The following ASTN2 variants were observed in gnomAD, a reference collection of about 807,000 sequenced individuals.
ASTN2 encodes astrotactin 2.
A neutral mutation model predicts 139.8 loss-of-function variants in ASTN2; 54 were observed. That is an observed-to-expected ratio of 0.39 (90% CI 0.31 to 0.48). The LOEUF (loss-of-function observed/expected upper bound fraction) is 0.48. Among genes scored for constraint, ASTN2 ranks in the 20% least tolerant of loss-of-function variants. The probability of loss-of-function intolerance (pLI) is 0.95; values close to 1 mark genes in which losing one functional copy is unlikely to be tolerated. For missense variants in ASTN2, 1,565 were observed against 1,725.1 expected (o/e 0.91, Z 1.64); for synonymous variants, 756 against 719.5 (o/e 1.05, Z -0.81).
At chr9:116,466,769 C>G (rs1222278135) in intron 20 of ASTN2, among the ~76,000 whole-genome samples, 3 of 152,276 alleles carry the variant, frequency 2.0e-5, no homozygotes, top group East Asian at 1.9e-4. Context: ...GAGGTCATGC[C>G]TGGTGCTAAA....
chr9:116,671,068 T>A (rs557861844), intron 16 of ASTN2, among the ~76,000 whole-genome samples: 4 of 152,308 alleles, frequency 2.6e-5, no homozygotes, highest in Admixed American at 2.6e-4. Context: ...TGTCAACTCT[T>A]AGGTAGGCAG....
chr9:116,939,397 T>A (rs892883640), intron 10 of ASTN2, among the ~76,000 whole-genome samples: 4 of 152,140 alleles, frequency 2.6e-5, no homozygotes, highest in Non-Finnish European at 5.9e-5. Context: ...TTTTGTTATT[T>A]AAAAAATTTA....
At chr9:116,580,073 G>C (rs1564131033) in intron 19 of ASTN2, among the ~76,000 whole-genome samples, 1 of 152,126 alleles carries the variant, frequency 6.6e-6, no homozygotes, top group Non-Finnish European at 1.5e-5. Context: ...ACCCACCTTG[G>C]CCTCCCAAAG....
At chr9:116,960,923 CCATG>C (rs1835858222) in intron 10 of ASTN2, among the ~76,000 whole-genome samples, 3 of 152,108 alleles carry the variant, frequency 2.0e-5, no homozygotes, top group Admixed American at 2.0e-4. Flanking sequence ...CCAGCCAGAT[CCATG>C]TCATGAATCT....
intron 4 of ASTN2, among the ~76,000 whole-genome samples, chr9:117,135,663 A>G (rs7858611): frequency 0.99 from 151,023 of 152,310 alleles, 74,888 homozygotes; most frequent in East Asian, 1. Flanking sequence ...GCAGTGATAA[A>G]AAACAGTACT....
At chr9:116,469,905 G>A (rs1848760566) in intron 20 of ASTN2, among the ~76,000 whole-genome samples, 1 of 151,994 alleles carries the variant, frequency 6.6e-6, no homozygotes, top group African/African-American at 2.4e-5. Flanking sequence ...CCATTCTGAG[G>A]ATGTAGATTT....
chr9:116,607,545 G>C (rs1197256580), intron 19 of ASTN2, among the ~76,000 whole-genome samples: 1 of 152,034 alleles, frequency 6.6e-6, no homozygotes, highest in African/African-American at 2.4e-5. Flanking sequence ...ATTTTAAAAA[G>C]TAACTCTTGG....
intron 4 of ASTN2, among the ~76,000 whole-genome samples, chr9:117,100,751 T>A (rs2132763704): frequency 1.3e-5 from 2 of 152,352 alleles, no homozygotes; most frequent in African/African-American, 4.8e-5. Flanking sequence ...CAATTTGGAT[T>A]TTTGACCTGG....
intron 16 of ASTN2, among the ~76,000 whole-genome samples, chr9:116,696,755 T>G (rs1860874835): frequency 6.6e-6 from 1 of 152,186 alleles, no homozygotes; most frequent in Non-Finnish European, 1.5e-5. Context: ...AAAGACCTCT[T>G]GTATCTAGTA....
chr9:116,492,201 C>T (rs1029690238), intron 19 of ASTN2, among the ~76,000 whole-genome samples: 1 of 151,978 alleles, frequency 6.6e-6, no homozygotes, highest in Non-Finnish European at 1.5e-5. Context: ...CCTGCCTCAG[C>T]CTCCCGAGTA....
intron 3 of ASTN2, among the ~76,000 whole-genome samples, chr9:117,145,576 T>G (rs1293312681): frequency 6.6e-6 from 1 of 152,192 alleles, no homozygotes; most frequent in Non-Finnish European, 1.5e-5. Flanking sequence ...AGTGTCCCTT[T>G]TCCACAGTCC....
rs867948838 is a variant in ASTN2, at chr9:116,975,265, T to C, written c.1832A>G (p.Asn611Ser). The change falls in exon 10 of 23, where the codon AAC becomes AGC. Residue 611 changes from asparagine to serine, a missense_variant. Around this residue, in one of 4 missense-constraint regions of ASTN2, gnomAD observed 503 missense variants for 591.7 expected, o/e 0.85. Coordinates refer to ENST00000313400, the MANE Select transcript of ASTN2 (RefSeq NM_001365068.1). ...ATCGGTCTTGCAGCTGGCCAGGGGG[T>C]TGATGGACAGCTCCACAGGCGGAAC... is the stretch of plus-strand genomic sequence containing the variant. ...FVVPPVELSI[N>S]PLASCKTDVL... 6.8e-6 allele frequency: 11 copies of C among 1,612,790 alleles called. 1 individual carries two copies. In the Middle Eastern group the frequency reaches 1.3e-3, roughly 194 times the overall value.
At chr9:117,204,997 C>T (rs1831867913) in intron 3 of ASTN2, among the ~76,000 whole-genome samples, 1 of 152,146 alleles carries the variant, frequency 6.6e-6, no homozygotes, top group African/African-American at 2.4e-5. Context: ...TGGGCACTGT[C>T]TATGTGGGAG....
intron 16 of ASTN2, chr9:116,686,925 T>G (rs1860254601): frequency 6.7e-7 from 1 of 1,499,322 alleles, no homozygotes; most frequent in African/African-American, 1.4e-5. Context: ...ATTTTTCCGT[T>G]GGCCCATTTC....
chr9:117,292,593 A>G (rs989883811), intron 1 of ASTN2, among the ~76,000 whole-genome samples: 3 of 152,194 alleles, frequency 2.0e-5, no homozygotes, highest in Non-Finnish European at 4.4e-5. Context: ...TCAGTAGACA[A>G]GTAGTCTTAG....
intron 13 of ASTN2, among the ~76,000 whole-genome samples, chr9:116,737,959 G>A (rs1005048106): frequency 8.6e-5 from 13 of 151,956 alleles, no homozygotes; most frequent in African/African-American, 2.4e-4. Context: ...TTGGGAGGCC[G>A]AGGCGGGCGG....
chr9:117,174,775 G>A (rs1830877171), intron 3 of ASTN2, among the ~76,000 whole-genome samples: 1 of 151,950 alleles, frequency 6.6e-6, no homozygotes, highest in African/African-American at 2.4e-5. Context: ...AGTATATTAG[G>A]AATAGAAGGA....
chr9:117,247,266 G>A (rs991625824), intron 2 of ASTN2, among the ~76,000 whole-genome samples: 29 of 152,314 alleles, frequency 1.9e-4, no homozygotes, highest in African/African-American at 6.7e-4. Flanking sequence ...CAGGATTAGC[G>A]GCTTGCCTCC....
chr9:117,199,106 C>A (rs764840496), intron 3 of ASTN2, among the ~76,000 whole-genome samples: 5 of 152,114 alleles, frequency 3.3e-5, no homozygotes, highest in Non-Finnish European at 7.4e-5. Context: ...ATGATAGTTT[C>A]TTTTGCTGTG....
Sources: allele counts gnomAD v4.1 joint callset (sites outside exome capture counted in the v4.1 genomes callset), GRCh38; gene constraint gnomAD v4.1.1; regional missense constraint gnomAD v4.1.1; transcripts MANE v1.5; gene names NCBI Gene and HGNC (gene_info 2026-07-23, HGNC 2026-07-21).